The following CSMD1 variants were observed in gnomAD, a reference collection of about 807,000 sequenced individuals.
CSMD1 encodes the protein CUB and sushi domain-containing protein 1.
CSMD1 carries 213 observed loss-of-function variants against 417.5 expected under a neutral mutation model. The ratio of observed to expected loss-of-function variants is 0.51; its 90% CI spans 0.46 to 0.57. CSMD1 has a LOEUF of 0.57. CSMD1 is among the 20% of genes least tolerant of loss of function. The probability of loss-of-function intolerance (pLI) is 0.00; values close to 1 mark genes in which losing one functional copy is unlikely to be tolerated. For synonymous variants in CSMD1, 2,862 were observed against 1,736.8 expected (o/e 1.65, Z -16.11); for missense variants, 6,923 against 4,529.7 (o/e 1.53, Z -15.17).
intron 23 of CSMD1, among the ~76,000 whole-genome samples, chr8:3,338,184 G>C (rs1220385758): frequency 6.6e-6 from 1 of 152,144 alleles, no homozygotes; most frequent in Non-Finnish European, 1.5e-5. Flanking sequence ...TTTGATATCT[G>C]AATCCAGTTG....
intron 27 of CSMD1, among the ~76,000 whole-genome samples, chr8:3,228,754 A>T (rs59752260): frequency 0.096 from 14,551 of 151,830 alleles, 911 homozygotes; most frequent in East Asian, 0.19. Context: ...GTATTCCTCC[A>T]CGAGCCTAAA....
chr8:3,096,771 T>C (rs1815335143), intron 47 of CSMD1, 78 bp downstream of exon 47: 4 of 953,532 alleles, frequency 4.2e-6, no homozygotes, highest in South Asian at 1.8e-5. Context: ...TTCCAGTCTT[T>C]ATGTTACTAA....
intron 10 of CSMD1, among the ~76,000 whole-genome samples, chr8:3,520,108 A>T (rs1022642804): frequency 6.6e-6 from 1 of 151,630 alleles, no homozygotes; most frequent in African/African-American, 2.4e-5. Context: ...CTTCTTAAAC[A>T]TACTTACAGG....
At chr8:3,635,472 A>G (rs1036316165) in intron 7 of CSMD1, among the ~76,000 whole-genome samples, 46 of 149,152 alleles carry the variant, frequency 3.1e-4, no homozygotes, top group Non-Finnish European at 4.0e-4. Context: ...CAATGGAGCA[A>G]GACTCCATCT....
intron 1 of CSMD1, among the ~76,000 whole-genome samples, chr8:4,903,816 A>C (rs775448191): frequency 2.0e-5 from 3 of 152,190 alleles, no homozygotes; most frequent in Non-Finnish European, 4.4e-5. Flanking sequence ...CTGGCTCTTC[A>C]AACTCAAATG....
intron 2 of CSMD1, among the ~76,000 whole-genome samples, chr8:4,575,108 G>C (rs1013132840): frequency 1.5e-4 from 23 of 152,098 alleles, no homozygotes; most frequent in Admixed American, 2.0e-4. Flanking sequence ...AACATGTAAG[G>C]TGCATAGTTC....
At chr8:3,187,239 A>G (rs1477527581) in intron 36 of CSMD1, among the ~76,000 whole-genome samples, 27 of 152,246 alleles carry the variant, frequency 1.8e-4, no homozygotes, top group Non-Finnish European at 1.5e-5. Flanking sequence ...AAGTGAAAGA[A>G]AGCGGTGTCA....
chr8:4,262,276 G>T (rs1346595449), intron 3 of CSMD1, among the ~76,000 whole-genome samples: 2 of 152,088 alleles, frequency 1.3e-5, no homozygotes, highest in Non-Finnish European at 2.9e-5. Flanking sequence ...TCCCTCTGTT[G>T]AGCTTCTTCC....
rs956773513 is a variant in CSMD1 at position 4,161,991 on chromosome 8, T to C, written c.416-129892A>G. 8.5e-5 allele frequency among the ~76,000 whole-genome samples: 13 copies of C among 152,216 alleles called. 1 individual carries two copies. The highest frequency in any genetic ancestry group is 3.1e-4 in the African/African-American group (13 of 41,456). ...AATTAATTTCTTTATGGTGGCATTG[T>C]GCCTTTGACTAACCATTCTGTATTT... On this transcript the variant is annotated intron_variant, in intron 3 of 69. Coordinates refer to ENST00000635120, the MANE Select transcript of CSMD1 (RefSeq NM_033225.6).
At chr8:3,346,328 C>A (rs191995821) in intron 22 of CSMD1, among the ~76,000 whole-genome samples, 30 of 152,338 alleles carry the variant, frequency 2.0e-4, no homozygotes, top group Admixed American at 1.7e-3. Context: ...TATCTCTAAT[C>A]ATTCACCTGC....
chr8:3,242,784 G>T lies in CSMD1; in HGVS notation c.4154-12553C>A, dbSNP rs1366121263. ...GGGGTTCGGGGTTTCTTACCCTCCA[G>T]ACAAGCGGGAAAGGGGTTGGGGCGC... On this transcript the variant is annotated intron_variant, in intron 26 of 69. Coordinates refer to ENST00000635120, the MANE Select transcript of CSMD1 (RefSeq NM_033225.6). Among the ~76,000 whole-genome samples the T allele has an allele frequency of 3.3e-5, 5 of 151,168 alleles. No homozygotes were observed. In the East Asian group the frequency reaches 9.9e-4, roughly 30 times the overall value.
chr8:4,535,872 T>C (rs1797077561), intron 2 of CSMD1, among the ~76,000 whole-genome samples: 1 of 152,246 alleles, frequency 6.6e-6, no homozygotes, highest in African/African-American at 2.4e-5. Flanking sequence ...TTAGGGTTAC[T>C]GAGCTTTTAC....
intron 6 of CSMD1, among the ~76,000 whole-genome samples, chr8:3,720,887 CTGCA>C (rs201666697): frequency 0.058 from 8,787 of 152,108 alleles, 580 homozygotes; most frequent in African/African-American, 0.16. Flanking sequence ...TCTCGGCTCA[CTGCA>C]TGCAACCTCC....
At chr8:3,607,867 T>C (rs375030394) in intron 8 of CSMD1, among the ~76,000 whole-genome samples, 38 of 152,118 alleles carry the variant, frequency 2.5e-4, no homozygotes, top group South Asian at 1.7e-3. Flanking sequence ...AGGAAGAACA[T>C]GACTAAGAAG....
At chr8:4,206,166 T>G (rs537459897) in intron 3 of CSMD1, among the ~76,000 whole-genome samples, 3 of 152,164 alleles carry the variant, frequency 2.0e-5, no homozygotes, top group Non-Finnish European at 4.4e-5. Flanking sequence ...TCAGAATATA[T>G]GGAAATACAT....
At chr8:3,699,648 T>G (rs1418781774) in intron 7 of CSMD1, among the ~76,000 whole-genome samples, 1 of 152,226 alleles carries the variant, frequency 6.6e-6, no homozygotes, top group African/African-American at 2.4e-5. Context: ...ATGACAGCAC[T>G]CTGTGTGACA....
At chr8:3,267,362 A>C (rs1801510807) in intron 26 of CSMD1, among the ~76,000 whole-genome samples, 1 of 152,210 alleles carries the variant, frequency 6.6e-6, no homozygotes, top group Admixed American at 6.5e-5. Context: ...GTGTTGATGC[A>C]TTGGAAGATT....
rs77404066 is a variant in CSMD1, at chr8:3,928,605, T to G, written c.818+69298A>C. Among the ~76,000 whole-genome samples the G allele has an allele frequency of 5.0e-4, 73 of 144,620 alleles. 3 individuals are homozygous for G. The East Asian group carries it at 9.5e-3, about 19-fold the overall frequency. The allele number at this position is 144,620 out of a possible 152,430, so 94.9% of individuals were successfully genotyped here. A position where few individuals can be genotyped will look rare whatever the true frequency, so the allele number is the denominator to read the frequency against. On this transcript the variant is annotated intron_variant, in intron 5 of 69. Transcript: ENST00000635120. ...TTCCATCCACCAATATAATAGATGA[T>G]GTCATAAGAAGGAGAAGGAAGTAAT... is the stretch of plus-strand genomic sequence containing the variant.
At chr8:3,206,125 C>G (rs928338525) in intron 30 of CSMD1, among the ~76,000 whole-genome samples, 3 of 151,982 alleles carry the variant, frequency 2.0e-5, no homozygotes, top group African/African-American at 7.3e-5. Context: ...TGCATAATTA[C>G]TAATGCTTTT....
Sources: allele counts gnomAD v4.1 joint callset (sites outside exome capture counted in the v4.1 genomes callset), GRCh38; gene constraint gnomAD v4.1.1; transcripts MANE v1.5; gene names NCBI Gene and HGNC (gene_info 2026-07-23, HGNC 2026-07-21).